Variants in ABCG2 observed in about 807,000 individuals in gnomAD.
The protein encoded by ABCG2 is ATP binding cassette subfamily G member 2 (JR blood group), also known as broad substrate specificity ATP-binding cassette transporter ABCG2.
Under a neutral mutation model 73.5 loss-of-function variants are expected in ABCG2, and 80 were observed. The ratio of observed to expected loss-of-function variants is 1.09; its 90% CI spans 0.91 to 1.31. ABCG2 has a LOEUF of 1.31. ABCG2 is among the 50% of genes most tolerant of loss of function. The probability of loss-of-function intolerance (pLI) is 0.00; values close to 1 mark genes in which losing one functional copy is unlikely to be tolerated. For synonymous variants in ABCG2, 269 were observed against 282.4 expected, an observed-to-expected ratio of 0.95 and a Z score of 0.48; for missense variants, 796 against 786.2, an observed-to-expected ratio of 1.01 and a Z score of -0.15.
At chr4:88,147,832 A>T (rs1213387064) in intron 1 of ABCG2, among the ~76,000 whole-genome samples, 1 of 152,222 alleles carries the variant, frequency 6.6e-6, no homozygotes. Flanking sequence ...ACTGAGCATG[A>T]AATTTGTGAA....
rs370109796 is a variant in ABCG2, at chr4:88,201,991, A to G, written c.-20+29003T>C. 1.0e-3 allele frequency among the ~76,000 whole-genome samples: 156 copies of G among 152,132 alleles called. 6 individuals are homozygous for G. In the South Asian group the frequency reaches 0.03, roughly 29 times the overall value. On this transcript the variant is annotated intron_variant, in intron 1 of 15. Transcript: ENST00000515655. ...AAGAAATTCTGATTTAATTGGTATGAGTGTGGCAGGGCTTTGGGATTTTTT... is the reference window on the plus strand; with the variant it reads ...AAGAAATTCTGATTTAATTGGTATGGGTGTGGCAGGGCTTTGGGATTTTTT...
At position 88,204,838 on chromosome 4, in the gene ABCG2, G is replaced by T. The variant is rs939191723; in HGVS notation, c.-20+26156C>A. On this transcript the variant is annotated intron_variant, in intron 1 of 15. Transcript: ENST00000515655. ...ATTGTATTGTTTTGGAGGCAGTGGGGATTAGGATGGGAATATTTGAATTTC... is the reference window on the plus strand; with the variant it reads ...ATTGTATTGTTTTGGAGGCAGTGGGTATTAGGATGGGAATATTTGAATTTC... Among the ~76,000 whole-genome samples the T allele has an allele frequency of 2.6e-5, 4 of 152,220 alleles. No individual in the cohort carries two copies. The East Asian group carries it at 7.7e-4, about 29-fold the overall frequency.
chr4:88,163,795 TG>T, upstream of ABCG2: 1 of 351,948 alleles, frequency 2.8e-6, no homozygotes, highest in Non-Finnish European at 5.6e-6. Context: ...CAAAGCTGTC[TG>T]GGCCAAAGGA....
chr4:88,193,674 T>C (rs949855807), intron 1 of ABCG2, among the ~76,000 whole-genome samples: 1 of 152,222 alleles, frequency 6.6e-6, no homozygotes, highest in Non-Finnish European at 1.5e-5. Flanking sequence ...AAGAATACCT[T>C]AATATCCTGG....
At chr4:88,177,273 G>A (rs189359538) in intron 1 of ABCG2, among the ~76,000 whole-genome samples, 2 of 151,920 alleles carry the variant, frequency 1.3e-5, no homozygotes, top group African/African-American at 4.8e-5. Flanking sequence ...ACTCGGGAGG[G>A]TGAGGCAGGA....
intron 9 of ABCG2, among the ~76,000 whole-genome samples, chr4:88,110,275 C>T (rs115491325): frequency 1.4e-4 from 21 of 152,092 alleles, no homozygotes; most frequent in Non-Finnish European, 2.8e-4. Flanking sequence ...GGCACAGTGG[C>T]TCACATCTGT....
chr4:88,189,324 G>A (rs1728589279), intron 1 of ABCG2, among the ~76,000 whole-genome samples: 1 of 151,858 alleles, frequency 6.6e-6, no homozygotes, highest in South Asian at 2.1e-4. Context: ...GACCAGTCTG[G>A]GCAAAATAGT....
At chr4:88,161,980 G>A (rs1424294325), upstream of ABCG2, among the ~76,000 whole-genome samples, 2 of 151,212 alleles carry the variant, frequency 1.3e-5, no homozygotes, top group Non-Finnish European at 2.9e-5. Context: ...CTTTTGAGAA[G>A]TGTCTGTTCA....
At chr4:88,131,284 T>C (rs775437147) in intron 4 of ABCG2, 71 bp from the exon 5 acceptor site, 29 of 1,457,280 alleles carry the variant, frequency 2.0e-5, no homozygotes, top group African/African-American at 2.8e-5. Flanking sequence ...CTGTTTAGTA[T>C]ACATAACATA....
intron 1 of ABCG2, among the ~76,000 whole-genome samples, chr4:88,192,036 G>A (rs1178147427): frequency 6.6e-6 from 1 of 152,056 alleles, no homozygotes; most frequent in Non-Finnish European, 1.5e-5. Context: ...GCTAGGCATG[G>A]TGGCGCATGC....
intron 1 of ABCG2, among the ~76,000 whole-genome samples, chr4:88,197,963 C>G (rs575958539): frequency 9.6e-5 from 14 of 145,788 alleles, no homozygotes; most frequent in African/African-American, 3.6e-4. Context: ...ATGGGAGGCA[C>G]AGGTTGCAGT....
chr4:88,120,630 T>C (rs1387507519), intron 6 of ABCG2, among the ~76,000 whole-genome samples: 2 of 152,204 alleles, frequency 1.3e-5, no homozygotes, highest in African/African-American at 4.8e-5. Flanking sequence ...CCCCTTCGTT[T>C]TGGCCAATTT....
chr4:88,109,036 T>C (rs1332544565), intron 9 of ABCG2, among the ~76,000 whole-genome samples: 3 of 150,920 alleles, frequency 2.0e-5, no homozygotes, highest in Non-Finnish European at 4.4e-5. Context: ...TCTCGCACTG[T>C]TGCCCTGGCT....
chr4:88,095,970 G>A (rs1216461017), intron 13 of ABCG2, among the ~76,000 whole-genome samples: 1 of 152,192 alleles, frequency 6.6e-6, no homozygotes, highest in African/African-American at 2.4e-5. Context: ...ACCACTATGT[G>A]TGCTCACCAA....
intron 1 of ABCG2, among the ~76,000 whole-genome samples, chr4:88,211,862 A>G (rs189390458): frequency 6.6e-6 from 1 of 152,356 alleles, no homozygotes; most frequent in East Asian, 1.9e-4. Flanking sequence ...CAGAGGGGAA[A>G]GTCTTTCTCA....
At chr4:88,184,445 A>C (rs1187764110) in intron 1 of ABCG2, among the ~76,000 whole-genome samples, 1 of 152,178 alleles carries the variant, frequency 6.6e-6, no homozygotes, top group Non-Finnish European at 1.5e-5. Context: ...AAGTAATCCC[A>C]TTTACAATAG....
chr4:88,216,223 A>C (rs1170729214), intron 1 of ABCG2, among the ~76,000 whole-genome samples: 1 of 152,224 alleles, frequency 6.6e-6, no homozygotes, highest in Non-Finnish European at 1.5e-5. Context: ...GTGACTTATG[A>C]GCCGTGGCTA....
intron 2 of ABCG2, among the ~76,000 whole-genome samples, chr4:88,136,814 G>A (rs1198908948): frequency 2.6e-5 from 4 of 152,012 alleles, no homozygotes; most frequent in Non-Finnish European, 5.9e-5. Context: ...TCAGGAGTTT[G>A]AGACCAGCCT....
chr4:88,177,747 A>G (rs1728068609), intron 1 of ABCG2, among the ~76,000 whole-genome samples: 1 of 152,070 alleles, frequency 6.6e-6, no homozygotes, highest in African/African-American at 2.4e-5. Context: ...TACCATGGAG[A>G]GAGAAATCTG....
Sources: gnomAD v4.1 joint callset for allele counts (sites outside exome capture counted in the v4.1 genomes callset) on GRCh38, gnomAD v4.1.1 for gene constraint, MANE v1.5 for transcripts, NCBI Gene and HGNC (gene_info 2026-07-23, HGNC 2026-07-21) for gene names.